Variants in PLCE1 observed in about 807,000 individuals in gnomAD.
PLCE1 encodes the protein 1-phosphatidylinositol 4,5-bisphosphate phosphodiesterase epsilon-1.
PLCE1 carries 119 observed loss-of-function variants against 242.8 expected under a neutral mutation model. The ratio of observed to expected loss-of-function variants is 0.49; its 90% CI spans 0.42 to 0.57. The LOEUF (loss-of-function observed/expected upper bound fraction) is 0.57, where lower values mean the gene tolerates loss of function less well. Among genes scored for constraint, PLCE1 ranks in the 20% least tolerant of loss-of-function variants. PLCE1 has a pLI of 0.00. For missense variants in PLCE1, 2,441 were observed against 2,788.8 expected (o/e 0.88, Z 2.81); for synonymous variants, 945 against 1,017.4 (o/e 0.93, Z 1.35).
At chr10:94,165,958 C>T (rs146022359) in intron 3 of PLCE1, among the ~76,000 whole-genome samples, 269 of 152,186 alleles carry the variant, frequency 1.8e-3, no homozygotes, top group Non-Finnish European at 2.8e-3. Flanking sequence ...CCACCCTCCT[C>T]GCCTCCCAAA....
intron 19 of PLCE1, among the ~76,000 whole-genome samples, chr10:94,277,335 T>C (rs74937593): frequency 0.011 from 1,736 of 152,282 alleles, 16 homozygotes; most frequent in East Asian, 0.035. Flanking sequence ...AGGGCCAGTC[T>C]CCTCATCTGA....
intron 24 of PLCE1, among the ~76,000 whole-genome samples, chr10:94,302,743 G>A (rs948761460): frequency 6.6e-6 from 1 of 152,162 alleles, no homozygotes; most frequent in African/African-American, 2.4e-5. Context: ...CATAAAAATG[G>A]AGATACTAAA....
intron 2 of PLCE1, among the ~76,000 whole-genome samples, chr10:94,067,627 T>C (rs886361743): frequency 6.6e-6 from 1 of 152,234 alleles, no homozygotes; most frequent in African/African-American, 2.4e-5. Context: ...ACCCCAGGGC[T>C]AACAGCAAAG....
At chr10:94,188,215 C>T (rs1294393417) in intron 4 of PLCE1, among the ~76,000 whole-genome samples, 1 of 152,184 alleles carries the variant, frequency 6.6e-6, no homozygotes, top group African/African-American at 2.4e-5. Flanking sequence ...ACAAATGCAA[C>T]AAATATTCCC....
chr10:94,318,667 G>A (rs1284118158), intron 29 of PLCE1, among the ~76,000 whole-genome samples: 2 of 152,166 alleles, frequency 1.3e-5, no homozygotes, highest in African/African-American at 4.8e-5. Context: ...CAGTGGGTAG[G>A]CTAGAGGGAA....
chr10:94,032,016 T>A lies in PLCE1; in HGVS notation c.970T>A (p.Leu324Met), dbSNP rs1308826821. ...AFKSKKERST[L>M]LVRRFCKNDR... The stretch of plus-strand genomic sequence containing the variant: ...TAAAAGCAAAAAGGAGCGATCCACT[T>A]TGTTAGTCAGGAGATTCTGTAAAAA... The change falls in exon 2 of 33, where the codon TTG becomes ATG. Residue 324 changes from leucine (L) to methionine (M), a missense_variant. This residue lies in a region of PLCE1 where 393 missense variants were observed against 378.5 expected (regional missense o/e 1.04). Transcript: ENST00000371380. 6.2e-7 allele frequency: 1 copy of A among 1,613,788 alleles called. No individual in the cohort carries two copies. The highest frequency in any genetic ancestry group is 1.3e-5 in the African/African-American group (1 of 75,008).
chr10:94,032,155 G>C lies in PLCE1; in HGVS notation c.1109G>C (p.Gly370Ala). The C allele has an allele frequency of 6.2e-7, 1 of 1,609,530 alleles. No homozygotes were observed. Among genetic ancestry groups the C allele is most frequent in the Non-Finnish European group, 8.5e-7 (1 of 1,178,792 alleles). ...AGTTACATAGATCAGAAGAGAAATG[G>C]TCCCTTACTGCCTTGTGGGAGAGTA... ...AWSYIDQKRN[G>A]PLLPCGRVME... is the part of the protein sequence containing the mutation. The change falls in exon 2 of 33, where the codon GGT becomes GCT. Residue 370 changes from glycine (G) to alanine (A), a missense_variant. This residue lies in a region of PLCE1 where 733 missense variants were observed against 754.2 expected (regional missense o/e 0.97). Transcript: ENST00000371380.
chr10:94,317,245 ACT>A (rs1423542686), intron 29 of PLCE1, among the ~76,000 whole-genome samples: 1 of 152,032 alleles, frequency 6.6e-6, no homozygotes, highest in African/African-American at 2.4e-5. Context: ...ACAGAACAAG[ACT>A]CTGTCTCAAA....
At chr10:94,095,566 A>G (rs1273769032) in intron 2 of PLCE1, among the ~76,000 whole-genome samples, 1 of 152,010 alleles carries the variant, frequency 6.6e-6, no homozygotes, top group East Asian at 1.9e-4. Context: ...TATGTTTCCC[A>G]GGCTGGAAAT....
chr10:94,328,627 G>GAATT lies in PLCE1; in HGVS notation c.*686_*689dup, dbSNP rs1219300282. The GAATT allele has an allele frequency of 7.2e-5, 11 of 152,294 alleles. No homozygotes were observed. The East Asian group carries it at 1.7e-3, about 24-fold the overall frequency. 9.4% of individuals were successfully genotyped at this position (152,294 alleles called of 1,614,324 possible). A position where few individuals can be genotyped will look rare whatever the true frequency, so the allele number is the denominator to read the frequency against. On this transcript the variant is annotated 3_prime_UTR_variant, in exon 33 of 33. Coordinates refer to ENST00000371380, the MANE Select transcript of PLCE1 (RefSeq NM_016341.4). ...GTTTAGCCATACATTTTATGGCCGA[G>GAATT]AATTAGAAGCTTAGAATTAGAAGCT...
intron 1 of PLCE1, among the ~76,000 whole-genome samples, chr10:94,010,646 C>A (rs369392965): frequency 2.6e-5 from 4 of 152,192 alleles, no homozygotes; most frequent in African/African-American, 4.8e-5. Flanking sequence ...GTCAGGCTAC[C>A]TCTTGAATGC....
rs1475718709 is a variant in PLCE1 at position 94,273,701 on chromosome 10, T to A, written c.4646T>A (p.Val1549Glu). ...NKKLKAHQTP[V>E]DILKQKAHQL... ...AAGCTAAAAGCCCATCAGACGCCAG[T>A]GGATATCTTAAAGCAAAAGGTACTC... is the stretch of plus-strand genomic sequence containing the variant. The change falls in exon 19 of 33, where the codon GTG (valine) becomes GAG (glutamate). Residue 1549 changes from valine to glutamate, a missense_variant. By Grantham distance (121) the Val-to-Glu change is moderately radical. Coordinates refer to ENST00000371380, the MANE Select transcript of PLCE1 (RefSeq NM_016341.4). 1 of 1,613,928 alleles carries A rather than the reference T, an allele frequency of 6.2e-7. No individual in the cohort carries two copies. Among genetic ancestry groups the A allele is most frequent in the Non-Finnish European group, 8.5e-7 (1 of 1,179,882 alleles).
chr10:94,234,007 T>C, intron 5 of PLCE1, 47 bp from the exon 6 acceptor site: 1 of 1,537,174 alleles, frequency 6.5e-7, no homozygotes, highest in Non-Finnish European at 9.0e-7. Context: ...TGCTGTAAAC[T>C]ATATTATTTC....
chr10:94,056,397 C>A (rs1319363534), intron 2 of PLCE1, among the ~76,000 whole-genome samples: 1 of 151,940 alleles, frequency 6.6e-6, no homozygotes, highest in African/African-American at 2.4e-5. Flanking sequence ...GTACTAAATA[C>A]CTTATTATTC....
At chr10:94,021,859 T>G (rs1334583505) in intron 1 of PLCE1, among the ~76,000 whole-genome samples, 1 of 152,118 alleles carries the variant, frequency 6.6e-6, no homozygotes, top group Non-Finnish European at 1.5e-5. Flanking sequence ...AAAATCCTTA[T>G]TTGTGATAAA....
In PLCE1 at chr10:94,031,559, G is replaced by A. The variant is rs61749239; in HGVS notation, c.513G>A (p.Val171=). 1.1e-3 allele frequency: 1,782 copies of A among 1,612,284 alleles called. 5 individuals are homozygous for A. In the Middle Eastern group the frequency reaches 0.017, roughly 15 times the overall value. ...TTAGTCCTTTAGGAAATCAGTCAGT[G>A]ATCATAGAGACAGGCAGAGCACACC... The part of the protein sequence containing the change: ...MGISPLGNQS[V]IIETGRAHPD... The change falls in exon 2 of 33, where the codon GTG becomes GTA. Residue 171 remains valine, a synonymous_variant. Coordinates refer to ENST00000371380, the MANE Select transcript of PLCE1 (RefSeq NM_016341.4).
chr10:94,271,839 T>G (rs1288009570), intron 18 of PLCE1, among the ~76,000 whole-genome samples: 3 of 152,180 alleles, frequency 2.0e-5, no homozygotes, highest in Non-Finnish European at 4.4e-5. Flanking sequence ...ATTTTACAGC[T>G]GGGCTGCTGG....
chr10:94,160,889 T>C (rs575044127), intron 3 of PLCE1, among the ~76,000 whole-genome samples: 2 of 152,350 alleles, frequency 1.3e-5, no homozygotes, highest in African/African-American at 4.8e-5. Context: ...CTTGTTTTTG[T>C]CAGGTTTGTC....
intron 2 of PLCE1, among the ~76,000 whole-genome samples, chr10:94,092,897 G>T (rs184062423): frequency 2.0e-5 from 3 of 152,170 alleles, no homozygotes; most frequent in African/African-American, 7.2e-5. Context: ...CTCCTTGGGC[G>T]ATAGAAAAGG....
Sources: gnomAD v4.1 joint callset for allele counts (sites outside exome capture counted in the v4.1 genomes callset) on GRCh38, gnomAD v4.1.1 for gene constraint, gnomAD v4.1.1 regional missense constraint, MANE v1.5 for transcripts, NCBI Gene and HGNC (gene_info 2026-07-23, HGNC 2026-07-21) for gene names.